ADCK1: variants seen among roughly 807,000 people sequenced by gnomAD.
ADCK1 encodes aarF domain-containing protein kinase 1.
In ADCK1, 41 loss-of-function variants were observed where a neutral mutation model predicts 52.3. The observed-to-expected ratio is 0.78, with a 90% CI of 0.61 to 1.02. The LOEUF is 1.02. Among genes scored for constraint, ADCK1 ranks in the 50% least tolerant of loss-of-function variants. The pLI is 0.00. For synonymous variants in ADCK1, 250 were observed against 274.6 expected, an observed-to-expected ratio of 0.91 and a Z score of 0.89; for missense variants, 658 against 679.5, an observed-to-expected ratio of 0.97 and a Z score of 0.35.
At chr14:77,831,127 A>G (rs1364146025) in intron 3 of ADCK1, among the ~76,000 whole-genome samples, 1 of 152,322 alleles carries the variant, frequency 6.6e-6, no homozygotes, top group Non-Finnish European at 1.5e-5. Flanking sequence ...ACATGGCTGG[A>G]CAAGCCTCTC....
intron 1 of ADCK1, among the ~76,000 whole-genome samples, chr14:77,818,032 T>C (rs527554199): frequency 2.6e-5 from 4 of 152,212 alleles, no homozygotes; most frequent in African/African-American, 9.6e-5. Flanking sequence ...GCCACCACGC[T>C]GGGCCTCAAG....
intron 4 of ADCK1, among the ~76,000 whole-genome samples, chr14:77,884,977 G>A (rs947510576): frequency 2.0e-5 from 3 of 152,200 alleles, no homozygotes; most frequent in Admixed American, 1.3e-4. Flanking sequence ...GGGACAGGAA[G>A]GTCTAGCCAT....
chr14:77,896,518 A>G (rs1357809239), intron 5 of ADCK1, among the ~76,000 whole-genome samples: 2 of 152,250 alleles, frequency 1.3e-5, no homozygotes, highest in Non-Finnish European at 2.9e-5. Context: ...AAGCCCAGAA[A>G]AGTGGAATTC....
chr14:77,920,529 T>A (rs2084024504), intron 7 of ADCK1, among the ~76,000 whole-genome samples: 1 of 152,248 alleles, frequency 6.6e-6, no homozygotes, highest in Non-Finnish European at 1.5e-5. Context: ...AGTTGGGTAA[T>A]GTGATGCCTC....
chr14:77,823,364 CTCTGTGATGCTTT>C (rs1170359037), intron 3 of ADCK1, among the ~76,000 whole-genome samples: 1 of 152,104 alleles, frequency 6.6e-6, no homozygotes, highest in Non-Finnish European at 1.5e-5. Flanking sequence ...TCAAGCTCTC[CTCTGTGATGCTTT>C]TCTTCTCAGT....
chr14:77,925,817 C>G lies in ADCK1; in HGVS notation c.1062C>G (p.Ile354Met), dbSNP rs780119891. 61 of 1,614,084 alleles carry G rather than the reference C, an allele frequency of 3.8e-5. 1 individual carries two copies. In the South Asian group the frequency reaches 6.6e-4, roughly 17 times the overall value. ...LNYCHLWQSL[I>M]WTDMKRVKEY... ...ACTGCCACCTCTGGCAGTCTCTGAT[C>G]TGGACTGACATGAAGAGAGTGAAGG... The change falls in exon 9 of 11, where the codon ATC (isoleucine) becomes ATG (methionine). Residue 354 changes from isoleucine to methionine, a missense_variant. By Grantham distance (10) the Ile-to-Met change is conservative. Transcript: ENST00000238561.
At chr14:77,895,021 G>A (rs1366260065) in intron 5 of ADCK1, among the ~76,000 whole-genome samples, 1 of 152,090 alleles carries the variant, frequency 6.6e-6, no homozygotes, top group African/African-American at 2.4e-5. Flanking sequence ...CCAAAGTGGT[G>A]GGATTACAGG....
intron 5 of ADCK1, among the ~76,000 whole-genome samples, chr14:77,891,076 G>A (rs1227800657): frequency 6.6e-6 from 1 of 152,064 alleles, no homozygotes; most frequent in Non-Finnish European, 1.5e-5. Flanking sequence ...GAGGGGGAGG[G>A]AAAGTGGGCA....
In ADCK1 at chr14:77,934,032, G is replaced by A. The variant is rs17753412; in HGVS notation, c.*641G>A. On this transcript the variant is annotated 3_prime_UTR_variant, in exon 11 of 11. Coordinates refer to ENST00000238561, the MANE Select transcript of ADCK1 (RefSeq NM_020421.4). The stretch of plus-strand genomic sequence containing the variant: ...CTTCCAGAATGTGCTCATGGTCCTC[G>A]CCAAGGGCTTATGGTTCCTCTTGGT... 7,002 of 152,468 alleles carry A rather than the reference G, an allele frequency of 0.046. 224 individuals are homozygous for A. The highest frequency in any genetic ancestry group is 0.068 in the Middle Eastern group (20 of 294). 9.4% of individuals were successfully genotyped at this position (152,468 alleles called of 1,614,324 possible).
intron 6 of ADCK1, among the ~76,000 whole-genome samples, chr14:77,906,828 T>C (rs779625439): frequency 6.6e-6 from 1 of 152,116 alleles, no homozygotes; most frequent in Non-Finnish European, 1.5e-5. Flanking sequence ...CTTCCCAGAA[T>C]CCCCTAGCAG....
intron 3 of ADCK1, among the ~76,000 whole-genome samples, chr14:77,834,506 G>A (rs915480056): frequency 7.2e-5 from 11 of 152,150 alleles, no homozygotes; most frequent in Non-Finnish European, 1.5e-4. Context: ...TCATCTCCTG[G>A]GAATGCTTTA....
At chr14:77,827,937 T>C in intron 3 of ADCK1, 2 of 357,008 alleles carry the variant, frequency 5.6e-6, no homozygotes, top group Non-Finnish European at 1.1e-5. Context: ...CAAGTGATTC[T>C]CCTGCCTCAG....
chr14:77,887,522 C>G (rs1213517473), intron 5 of ADCK1, among the ~76,000 whole-genome samples: 1 of 152,156 alleles, frequency 6.6e-6, no homozygotes, highest in Non-Finnish European at 1.5e-5. Flanking sequence ...TGCTAGGGGC[C>G]AAGGGGACCT....
At chr14:77,836,149 C>T (rs1454544801) in intron 3 of ADCK1, among the ~76,000 whole-genome samples, 5 of 152,196 alleles carry the variant, frequency 3.3e-5, no homozygotes, top group Non-Finnish European at 7.3e-5. Context: ...CTGTCTCCAC[C>T]CACAATCCCC....
intron 1 of ADCK1, among the ~76,000 whole-genome samples, chr14:77,811,298 T>A (rs1249075620): frequency 6.6e-6 from 1 of 152,150 alleles, no homozygotes; most frequent in East Asian, 1.9e-4. Context: ...GGTGGCACCT[T>A]GCTAAGCATT....
chr14:77,895,225 G>T (rs1026647857), intron 5 of ADCK1, among the ~76,000 whole-genome samples: 8 of 152,128 alleles, frequency 5.3e-5, no homozygotes, highest in African/African-American at 2.4e-5. Flanking sequence ...GATTCATAAG[G>T]TTCTAGATCA....
chr14:77,819,870 T>C (rs1180602160), intron 2 of ADCK1, among the ~76,000 whole-genome samples: 2 of 152,206 alleles, frequency 1.3e-5, no homozygotes, highest in Non-Finnish European at 2.9e-5. Flanking sequence ...CAGTCTATTG[T>C]GGTTGTCATC....
intron 3 of ADCK1, among the ~76,000 whole-genome samples, chr14:77,849,139 AT>A (rs1461464688): frequency 6.6e-6 from 1 of 152,128 alleles, no homozygotes; most frequent in Non-Finnish European, 1.5e-5. Context: ...CAGTGGCATA[AT>A]TATGGCTCAC....
intron 1 of ADCK1, among the ~76,000 whole-genome samples, chr14:77,800,794 T>C (rs1417167876): frequency 1.3e-5 from 2 of 152,266 alleles, no homozygotes; most frequent in Admixed American, 6.5e-5. Flanking sequence ...TAAGTGGCAT[T>C]TACTTTCTAC....
Sources: allele counts gnomAD v4.1 joint callset (sites outside exome capture counted in the v4.1 genomes callset), GRCh38; gene constraint gnomAD v4.1.1; transcripts MANE v1.5; gene names NCBI Gene and HGNC (gene_info 2026-07-23, HGNC 2026-07-21).